Variants in RAB28 observed in about 807,000 individuals in gnomAD.
The protein encoded by RAB28 is ras-related protein Rab-28.
RAB28 carries 24 observed loss-of-function variants against 31.7 expected under a neutral mutation model. The ratio of observed to expected loss-of-function variants is 0.76; its 90% CI spans 0.55 to 1.06. The LOEUF (loss-of-function observed/expected upper bound fraction) is 1.06, where lower values mean the gene tolerates loss of function less well. Among genes scored for constraint, RAB28 ranks in the 50% least tolerant of loss-of-function variants. RAB28 has a pLI of 0.00. For synonymous variants in RAB28, 100 were observed against 90.4 expected, an observed-to-expected ratio of 1.11 and a Z score of -0.60; for missense variants, 254 against 258.5, an observed-to-expected ratio of 0.98 and a Z score of 0.12.
chr4:13,368,226 G>C lies in RAB28; in HGVS notation c.*332C>G, dbSNP rs956663245. The C allele has an allele frequency of 1.0e-6, 1 of 1,001,264 alleles. No homozygotes were observed. The highest frequency in any genetic ancestry group is 1.7e-5 in the African/African-American group (1 of 57,830). The allele number at this position is 1,001,264 out of a possible 1,614,324, so 62.0% of individuals were successfully genotyped here. A position where few individuals can be genotyped will look rare whatever the true frequency, so the allele number is the denominator to read the frequency against. On this transcript the variant is annotated 3_prime_UTR_variant, in exon 7 of 7. Coordinates refer to ENST00000330852, the MANE Select transcript of RAB28 (RefSeq NM_001017979.3). ...TCCTGGCTGATGATCAAGACTTGGA[G>C]AGTTTTCATATTAAGTTAAAAAAAT...
chr4:13,387,091 A>G (rs1056675397), intron 4 of RAB28, among the ~76,000 whole-genome samples: 4 of 152,000 alleles, frequency 2.6e-5, no homozygotes, highest in African/African-American at 9.7e-5. Context: ...TGTGGCCTAC[A>G]AGAGGATGGA....
At chr4:13,374,185 A>C (rs192423732) in intron 6 of RAB28, among the ~76,000 whole-genome samples, 79 of 152,250 alleles carry the variant, frequency 5.2e-4, no homozygotes, top group East Asian at 1.9e-4. Context: ...AGTAACTTGA[A>C]TTCACCTTCA....
intron 4 of RAB28, among the ~76,000 whole-genome samples, chr4:13,405,686 T>C (rs998667679): frequency 1.6e-4 from 25 of 152,116 alleles, no homozygotes; most frequent in Non-Finnish European, 3.2e-4. Flanking sequence ...AACCCTGATT[T>C]CCATTTTTCA....
chr4:13,435,318 C>G (rs1042555747), intron 4 of RAB28, among the ~76,000 whole-genome samples: 1 of 151,468 alleles, frequency 6.6e-6, no homozygotes, highest in African/African-American at 2.4e-5. Flanking sequence ...CCTAAAGGAA[C>G]TAGAGAAACA....
At chr4:13,455,645 T>C (rs187375497) in intron 4 of RAB28, among the ~76,000 whole-genome samples, 57 of 152,340 alleles carry the variant, frequency 3.7e-4, no homozygotes, top group Admixed American at 1.9e-3. Context: ...GGAATGCACA[T>C]CTTGTGCTAG....
intron 3 of RAB28, among the ~76,000 whole-genome samples, chr4:13,468,207 G>T (rs1715957569): frequency 6.6e-6 from 1 of 151,874 alleles, no homozygotes; most frequent in Non-Finnish European, 1.5e-5. Flanking sequence ...ATCAGTAAGG[G>T]TACAGTTGAT....
chr4:13,434,492 C>T (rs567307709), intron 4 of RAB28, among the ~76,000 whole-genome samples: 1 of 152,228 alleles, frequency 6.6e-6, no homozygotes, highest in African/African-American at 2.4e-5. Flanking sequence ...AGAACTTCAA[C>T]ACCCCACTGA....
At chr4:13,369,290 A>G (rs1393390655) in intron 6 of RAB28, among the ~76,000 whole-genome samples, 1 of 152,152 alleles carries the variant, frequency 6.6e-6, no homozygotes, top group Non-Finnish European at 1.5e-5. Flanking sequence ...AAAATTTAGA[A>G]AATTACTTCA....
chr4:13,482,397 T>A lies in RAB28; in HGVS notation c.75+1679A>T, dbSNP rs556815619. ...TAAAGAATTATGATAGCATATAGGA[T>A]AACCAGCAATTTTTGTGTCTTTTTA... On this transcript the variant is annotated intron_variant, in intron 1 of 6. Transcript: ENST00000330852. 4.7e-5 allele frequency among the ~76,000 whole-genome samples: 7 copies of A among 149,432 alleles called. No homozygotes were observed. In the East Asian group the frequency reaches 1.4e-3, roughly 29 times the overall value.
At chr4:13,454,150 T>C (rs1715160692) in intron 4 of RAB28, among the ~76,000 whole-genome samples, 1 of 152,156 alleles carries the variant, frequency 6.6e-6, no homozygotes, top group African/African-American at 2.4e-5. Flanking sequence ...ATTTTTTATT[T>C]CATTAATTAA....
intron 4 of RAB28, among the ~76,000 whole-genome samples, chr4:13,403,550 T>C (rs1711902657): frequency 6.6e-6 from 1 of 152,240 alleles, no homozygotes; most frequent in Admixed American, 6.5e-5. Flanking sequence ...CGTTCTTTTA[T>C]TTCTTCTTAG....
chr4:13,385,246 T>G (rs891246751), intron 4 of RAB28, among the ~76,000 whole-genome samples: 2 of 152,250 alleles, frequency 1.3e-5, no homozygotes, highest in Admixed American at 1.3e-4. Context: ...CTGAAACAGA[T>G]GGGGAGATTG....
intron 5 of RAB28, among the ~76,000 whole-genome samples, chr4:13,380,876 G>A (rs1055157956): frequency 1.3e-5 from 2 of 151,472 alleles, no homozygotes; most frequent in Admixed American, 6.6e-5. Flanking sequence ...TTTATTAAAT[G>A]AATTATTCAA....
At chr4:13,460,941 G>C (rs1035046747) in intron 3 of RAB28, 113 bp from the exon 4 acceptor site, 3 of 981,126 alleles carry the variant, frequency 3.1e-6, no homozygotes, top group Non-Finnish European at 4.5e-6. Flanking sequence ...ATACAAATGT[G>C]TAGTGTTTTA....
intron 2 of RAB28, among the ~76,000 whole-genome samples, chr4:13,477,048 T>G (rs1477851001): frequency 2.0e-5 from 3 of 151,504 alleles, no homozygotes; most frequent in Non-Finnish European, 4.4e-5. Context: ...GCCCACTTCT[T>G]GTACTAAAGA....
chr4:13,411,641 T>C (rs1451770877), intron 4 of RAB28, among the ~76,000 whole-genome samples: 1 of 152,168 alleles, frequency 6.6e-6, no homozygotes, highest in Admixed American at 6.5e-5. Context: ...ATATTAAATG[T>C]TATTTAACTA....
chr4:13,429,111 A>AT (rs928945647), intron 4 of RAB28, among the ~76,000 whole-genome samples: 3 of 151,532 alleles, frequency 2.0e-5, no homozygotes, highest in African/African-American at 4.9e-5. Context: ...CGCCTAGCTA[A>AT]TTTTTTTTAT....
chr4:13,386,254 C>T (rs375136716), intron 4 of RAB28, among the ~76,000 whole-genome samples: 1 of 151,984 alleles, frequency 6.6e-6, no homozygotes, highest in African/African-American at 2.4e-5. Context: ...CAAAAATTTA[C>T]AAATGGTACC....
chr4:13,443,714 C>CTACT (rs957523070), intron 4 of RAB28, among the ~76,000 whole-genome samples: 4 of 152,040 alleles, frequency 2.6e-5, no homozygotes, highest in African/African-American at 9.7e-5. Context: ...CTCCAAAGAA[C>CTACT]TACTCTCTTC....
Sources: gnomAD v4.1 joint callset for allele counts (sites outside exome capture counted in the v4.1 genomes callset) on GRCh38, gnomAD v4.1.1 for gene constraint, MANE v1.5 for transcripts, NCBI Gene and HGNC (gene_info 2026-07-23, HGNC 2026-07-21) for gene names.